TNRC6B: variants seen among roughly 807,000 people sequenced by gnomAD.
TNRC6B encodes trinucleotide repeat-containing gene 6B protein.
In TNRC6B, 52 loss-of-function variants were observed where a neutral mutation model predicts 203.6. The ratio of observed to expected loss-of-function variants is 0.26; its 90% CI spans 0.20 to 0.32. The LOEUF is 0.32. TNRC6B is among the 10% of genes least tolerant of loss of function. TNRC6B has a pLI of 1.00. For missense variants in TNRC6B, 1,923 were observed against 2,286.2 expected, an observed-to-expected ratio of 0.84 and a Z score of 3.24; for synonymous variants, 838 against 845.7, an observed-to-expected ratio of 0.99 and a Z score of 0.16.
At chr22:40,103,600 T>C (rs2068258263) in intron 1 of TNRC6B, among the ~76,000 whole-genome samples, 4 of 152,184 alleles carry the variant, frequency 2.6e-5, no homozygotes, top group Admixed American at 2.0e-4. Context: ...ATTTGGGTTG[T>C]TTCCACTTTT....
Position 40,261,353 on chromosome 22 carries a change from C to T in TNRC6B, c.116-479C>T, listed in dbSNP as rs749904920. 5.9e-5 allele frequency among the ~76,000 whole-genome samples: 9 copies of T among 151,912 alleles called. No individual in the cohort carries two copies. In the South Asian group the frequency reaches 6.2e-4, roughly 11 times the overall value. On this transcript the variant is annotated intron_variant, in intron 3 of 22. Coordinates refer to ENST00000454349, the MANE Select transcript of TNRC6B (RefSeq NM_001162501.2). ...CAACACTTTGGGAGGCCAAGGCAGG[C>T]GGATCATGAGGTCAGGAGTTCAAGA...
chr22:40,132,662 G>C (rs1051542136), intron 3 of TNRC6B, among the ~76,000 whole-genome samples: 2 of 99,360 alleles, frequency 2.0e-5, no homozygotes, highest in East Asian at 2.3e-4. Flanking sequence ...AAAAAAAAAA[G>C]GCTGGGCGCA....
At chr22:40,299,166 A>C (rs1383513390) in intron 12 of TNRC6B, among the ~76,000 whole-genome samples, 15 of 151,656 alleles carry the variant, frequency 9.9e-5, no homozygotes, top group East Asian at 3.9e-4. Context: ...AACAAAAAAA[A>C]AAAAAAAACA....
At chr22:40,048,460 G>C (rs1270685935) in intron 1 of TNRC6B, among the ~76,000 whole-genome samples, 1 of 150,996 alleles carries the variant, frequency 6.6e-6, no homozygotes, top group Non-Finnish European at 1.5e-5. Context: ...AGAATTGCTT[G>C]AACCAAGGAG....
chr22:40,302,156 A>G (rs1241552104), intron 15 of TNRC6B, among the ~76,000 whole-genome samples: 2 of 152,244 alleles, frequency 1.3e-5, no homozygotes, highest in Non-Finnish European at 2.9e-5. Flanking sequence ...ATTTTTTGGC[A>G]GGCAAATCAT....
In TNRC6B at chr22:40,324,938, C is replaced by A. The variant is rs2071384603; in HGVS notation, c.*1697C>A. 1 of 152,140 alleles carries A rather than the reference C, an allele frequency of 6.6e-6. No individual in the cohort carries two copies. Among genetic ancestry groups the A allele is most frequent in the African/African-American group, 2.4e-5 (1 of 41,256 alleles). 9.4% of individuals were successfully genotyped at this position (152,140 alleles called of 1,614,324 possible). On this transcript the variant is annotated 3_prime_UTR_variant, in exon 23 of 23. Transcript: ENST00000454349. ...GTCAACGTTTAATCTACAGTTATCA[C>A]CAACATGTATGTACTTATGTCGGAA...
intron 1 of TNRC6B, among the ~76,000 whole-genome samples, chr22:40,193,535 C>T (rs982735745): frequency 1.3e-5 from 2 of 152,148 alleles, no homozygotes. Flanking sequence ...ATGAGCTCTA[C>T]CTCCATCATC....
At chr22:40,205,463 A>G (rs1380071349) in intron 1 of TNRC6B, among the ~76,000 whole-genome samples, 2 of 152,218 alleles carry the variant, frequency 1.3e-5, no homozygotes. Flanking sequence ...ACTGAAAATC[A>G]CTAGAATGGT....
chr22:40,048,964 G>A (rs571881885), intron 1 of TNRC6B, among the ~76,000 whole-genome samples: 1 of 152,208 alleles, frequency 6.6e-6, no homozygotes, highest in African/African-American at 2.4e-5. Flanking sequence ...GGGTTCAAGC[G>A]ATTCTCCTGC....
chr22:40,177,967 A>T lies in TNRC6B; in HGVS notation c.-169A>T. The T allele has an allele frequency of 1.4e-6, 2 of 1,456,086 alleles. No homozygotes were observed. Among genetic ancestry groups the T allele is most frequent in the South Asian group, 1.5e-5 (1 of 67,578 alleles). 90.2% of individuals were successfully genotyped at this position (1,456,086 alleles called of 1,614,324 possible). Reference sequence around the variant, plus strand: ...GAGAGAGCAAGAGGGAGAGTGTGTGAGAGAGAGTTAGTTCAAGCCAAAATG... The same window carrying T: ...GAGAGAGCAAGAGGGAGAGTGTGTGTGAGAGAGTTAGTTCAAGCCAAAATG... On this transcript the variant is annotated 5_prime_UTR_variant, in exon 1 of 23. Coordinates refer to ENST00000454349, the MANE Select transcript of TNRC6B (RefSeq NM_001162501.2).
At chr22:40,055,078 C>T (rs908912691) in intron 1 of TNRC6B, among the ~76,000 whole-genome samples, 1 of 152,086 alleles carries the variant, frequency 6.6e-6, no homozygotes, top group South Asian at 2.1e-4. Context: ...GACATGATGA[C>T]GCTCTCACTA....
At chr22:40,322,352 A>C (rs796291524) in intron 22 of TNRC6B, among the ~76,000 whole-genome samples, 38 of 152,124 alleles carry the variant, frequency 2.5e-4, no homozygotes, top group African/African-American at 9.2e-4. Context: ...AGATTGCTGA[A>C]CCCCTCCTTA....
At chr22:40,050,736 A>G (rs914768575) in intron 1 of TNRC6B, among the ~76,000 whole-genome samples, 1 of 152,066 alleles carries the variant, frequency 6.6e-6, no homozygotes, top group Admixed American at 6.5e-5. Context: ...CAGGCATACA[A>G]CAGACTTCCA....
At chr22:40,306,710 G>T (rs1259632686) in intron 15 of TNRC6B, among the ~76,000 whole-genome samples, 2 of 152,164 alleles carry the variant, frequency 1.3e-5, no homozygotes, top group Non-Finnish European at 2.9e-5. Flanking sequence ...ATAAGGCCAG[G>T]CACGGTGGCT....
At chr22:40,321,659 G>A (rs978773634) in intron 22 of TNRC6B, 1 of 165,986 alleles carries the variant, frequency 6.0e-6, no homozygotes, top group African/African-American at 2.4e-5. Context: ...GGGGGCGCAT[G>A]CCTGTAGTCC....
intron 3 of TNRC6B, among the ~76,000 whole-genome samples, chr22:40,143,056 C>T (rs1045974974): frequency 6.6e-6 from 1 of 152,176 alleles, no homozygotes; most frequent in Non-Finnish European, 1.5e-5. Flanking sequence ...GCAAAAAGCA[C>T]TAACTGTAAA....
In TNRC6B at chr22:40,268,922, T is replaced by A. The variant is rs556984840; in HGVS notation, c.2807-1200T>A. ...AGCAAGACTCCGTCTCAAAAAATAATAATAATAATAATAATAATAATAATC... is the reference window on the plus strand; with the variant it reads ...AGCAAGACTCCGTCTCAAAAAATAAAAATAATAATAATAATAATAATAATC... On this transcript the variant is annotated intron_variant, in intron 5 of 22. Transcript: ENST00000454349. 5.1e-3 allele frequency among the ~76,000 whole-genome samples: 751 copies of A among 147,602 alleles called. 6 individuals carry two copies. Among genetic ancestry groups the A allele is most frequent in the African/African-American group, 0.017 (691 of 40,164 alleles).
At chr22:40,164,249 G>A (rs1255396856) in intron 4 of TNRC6B, among the ~76,000 whole-genome samples, 1 of 150,426 alleles carries the variant, frequency 6.6e-6, no homozygotes, top group Non-Finnish European at 1.5e-5. Context: ...TTAGCCAGGT[G>A]TGGTGGTGGG....
chr22:40,053,852 C>CTG (rs150530072), intron 1 of TNRC6B, among the ~76,000 whole-genome samples: 1,921 of 152,278 alleles, frequency 0.013, 46 homozygotes, highest in African/African-American at 0.044. Context: ...CAGATGTGTT[C>CTG]TGTGTATATC....
Sources: gnomAD v4.1 joint callset for allele counts (sites outside exome capture counted in the v4.1 genomes callset) on GRCh38, gnomAD v4.1.1 for gene constraint, MANE v1.5 for transcripts, NCBI Gene and HGNC (gene_info 2026-07-23, HGNC 2026-07-21) for gene names.